RASGRF2: variants seen among roughly 807,000 people sequenced by gnomAD.
RASGRF2 encodes the protein Ras protein specific guanine nucleotide releasing factor 2.
Under a neutral mutation model 151.0 loss-of-function variants are expected in RASGRF2, and 76 were observed. The ratio of observed to expected loss-of-function variants is 0.50; its 90% CI spans 0.42 to 0.61. The LOEUF (loss-of-function observed/expected upper bound fraction) is 0.61, where lower values mean the gene tolerates loss of function less well. Ranked by LOEUF, RASGRF2 falls within the 20% of genes least tolerant of loss-of-function variation. The probability of loss-of-function intolerance (pLI) is 0.00; values close to 1 mark genes in which losing one functional copy is unlikely to be tolerated. For synonymous variants in RASGRF2, 504 were observed against 566.5 expected (o/e 0.89, Z 1.57); for missense variants, 1,148 against 1,564.6 (o/e 0.73, Z 4.49).
intron 12 of RASGRF2, among the ~76,000 whole-genome samples, chr5:81,103,541 G>A (rs1176011788): frequency 6.6e-6 from 1 of 152,074 alleles, no homozygotes; most frequent in Non-Finnish European, 1.5e-5. Context: ...GCAGTCTCCA[G>A]AGAGAAAATG....
rs948597076 is a variant in RASGRF2 at position 81,086,027 on chromosome 5, G to T, written c.1271+116G>T. 6.1e-6 allele frequency: 9 copies of T among 1,471,160 alleles called. No homozygotes were observed. In the African/African-American group the frequency reaches 1.1e-4, roughly 18 times the overall value. The allele number at this position is 1,471,160 out of a possible 1,614,324, so 91.1% of individuals were successfully genotyped here. A position where few individuals can be genotyped will look rare whatever the true frequency, so the allele number is the denominator to read the frequency against. On this transcript the variant is annotated intron_variant, in intron 8 of 26. Coordinates refer to ENST00000265080, the MANE Select transcript of RASGRF2 (RefSeq NM_006909.3). ...GAAGCAAAACAAATCCAGCTTCTCA[G>T]ATTCACCTGAAAGTTAAATAGTAGC...
At chr5:81,039,882 C>G (rs1750627937) in intron 1 of RASGRF2, among the ~76,000 whole-genome samples, 1 of 152,154 alleles carries the variant, frequency 6.6e-6, no homozygotes, top group African/African-American at 2.4e-5. Flanking sequence ...AATCATTAGT[C>G]TTAATGCTTC....
intron 17 of RASGRF2, among the ~76,000 whole-genome samples, chr5:81,179,777 G>C (rs961117178): frequency 6.6e-6 from 1 of 152,156 alleles, no homozygotes. Context: ...TTCATCTACA[G>C]ATATTGAAAA....
chr5:81,002,861 T>A (rs1478527604), intron 1 of RASGRF2, among the ~76,000 whole-genome samples: 2 of 152,204 alleles, frequency 1.3e-5, no homozygotes, highest in Non-Finnish European at 2.9e-5. Flanking sequence ...GCAGCTAGAA[T>A]GGCAGAACTC....
intron 1 of RASGRF2, among the ~76,000 whole-genome samples, chr5:80,982,098 G>A (rs1748319725): frequency 1.3e-5 from 2 of 152,204 alleles, no homozygotes; most frequent in African/African-American, 2.4e-5. Context: ...GTGAAGGTCT[G>A]GAGGTATATT....
chr5:81,128,996 G>C (rs1753544590), intron 17 of RASGRF2, among the ~76,000 whole-genome samples: 2 of 152,012 alleles, frequency 1.3e-5, no homozygotes, highest in African/African-American at 2.4e-5. Context: ...AAAATCAGCT[G>C]GGCGTGGTGG....
chr5:81,035,538 C>G (rs1351298100), intron 1 of RASGRF2, among the ~76,000 whole-genome samples: 1 of 151,826 alleles, frequency 6.6e-6, no homozygotes, highest in Admixed American at 6.6e-5. Context: ...GTGCAGCACA[C>G]CAACATGGCA....
chr5:81,219,677 G>T, intron 25 of RASGRF2, 33 bp from the exon 26 acceptor site: 1 of 1,549,992 alleles, frequency 6.5e-7, no homozygotes, highest in African/African-American at 1.4e-5. Context: ...TGCTTTTGTT[G>T]TTGTCATTTT....
chr5:81,042,943 C>A lies in RASGRF2; in HGVS notation c.355C>A (p.Gln119Lys), dbSNP rs749102600. The change falls in exon 2 of 27, where the codon CAG (glutamine) becomes AAG (lysine). Residue 119 changes from glutamine (Q) to lysine (K), a missense_variant. Around this residue, in one of 5 missense-constraint regions of RASGRF2, gnomAD observed 221 missense variants for 271.3 expected, o/e 0.81. Coordinates refer to ENST00000265080, the MANE Select transcript of RASGRF2 (RefSeq NM_006909.3). ...KPLELRCEEE[Q>K]DGKEWMEAIH... Reference sequence around the variant, plus strand: ...ACTGGAGCTGCGCTGTGAGGAGGAGCAGGATGGTAAAGAGTGGATGGAGGC... The same window carrying A: ...ACTGGAGCTGCGCTGTGAGGAGGAGAAGGATGGTAAAGAGTGGATGGAGGC... 6.2e-7 allele frequency: 1 copy of A among 1,612,832 alleles called. No individual in the cohort carries two copies.
chr5:81,204,572 TAAA>T (rs917302800), intron 19 of RASGRF2, among the ~76,000 whole-genome samples: 1 of 152,184 alleles, frequency 6.6e-6, no homozygotes, highest in Non-Finnish European at 1.5e-5. Flanking sequence ...TGTTTGTAAA[TAAA>T]AACCTGTACT....
At chr5:81,074,117 G>A (rs1349250727) in intron 5 of RASGRF2, among the ~76,000 whole-genome samples, 1 of 152,174 alleles carries the variant, frequency 6.6e-6, no homozygotes, top group Non-Finnish European at 1.5e-5. Flanking sequence ...CAAAAGCTAA[G>A]ACAGGACCTG....
At chr5:81,114,068 A>G (rs898338472) in intron 15 of RASGRF2, 148 bp downstream of exon 15, 3 of 1,120,580 alleles carry the variant, frequency 2.7e-6, no homozygotes, top group Non-Finnish European at 3.7e-6. Context: ...TAGTTAGAAG[A>G]GAAAATTCCT....
intron 1 of RASGRF2, among the ~76,000 whole-genome samples, chr5:81,016,604 G>A (rs369964348): frequency 6.6e-5 from 10 of 152,236 alleles, no homozygotes; most frequent in African/African-American, 2.4e-4. Context: ...AACTCCATGA[G>A]CTGGATTCTA....
At chr5:81,007,524 C>T (rs1749311440) in intron 1 of RASGRF2, among the ~76,000 whole-genome samples, 1 of 152,058 alleles carries the variant, frequency 6.6e-6, no homozygotes, top group South Asian at 2.1e-4. Flanking sequence ...GTCAGCTGCC[C>T]CGGGATGTCA....
intron 17 of RASGRF2, among the ~76,000 whole-genome samples, chr5:81,132,158 C>T (rs929764354): frequency 3.3e-5 from 5 of 152,074 alleles, no homozygotes; most frequent in South Asian, 4.1e-4. Flanking sequence ...GTAAGATCGA[C>T]GAGGGCAGAG....
chr5:81,041,032 A>C (rs1465163632), intron 1 of RASGRF2, among the ~76,000 whole-genome samples: 1 of 152,216 alleles, frequency 6.6e-6, no homozygotes, highest in Non-Finnish European at 1.5e-5. Context: ...GGCCAGGCAC[A>C]GAGGCTCACG....
intron 15 of RASGRF2, among the ~76,000 whole-genome samples, chr5:81,116,137 C>CAG (rs1306662376): frequency 1.7e-5 from 2 of 117,898 alleles, no homozygotes; most frequent in Non-Finnish European, 3.2e-5. Context: ...GGCTGGAGTG[C>CAG]AGTGGCACAA....
At chr5:81,116,186 T>C (rs750518911) in intron 15 of RASGRF2, among the ~76,000 whole-genome samples, 21 of 146,114 alleles carry the variant, frequency 1.4e-4, no homozygotes, top group Non-Finnish European at 2.4e-4. Context: ...AGGTTCGAGC[T>C]ATTCTCCTGC....
At chr5:81,147,489 A>G (rs1192328887) in intron 17 of RASGRF2, among the ~76,000 whole-genome samples, 1 of 152,248 alleles carries the variant, frequency 6.6e-6, no homozygotes, top group Non-Finnish European at 1.5e-5. Flanking sequence ...GGAGCAAATT[A>G]TACTTCACTG....
Sources: allele counts gnomAD v4.1 joint callset (sites outside exome capture counted in the v4.1 genomes callset), GRCh38; gene constraint gnomAD v4.1.1; regional missense constraint gnomAD v4.1.1; transcripts MANE v1.5; gene names NCBI Gene and HGNC (gene_info 2026-07-23, HGNC 2026-07-21).